SLC4A4: variants seen among roughly 807,000 people sequenced by gnomAD.
The protein encoded by SLC4A4 is electrogenic sodium bicarbonate cotransporter 1.
Under a neutral mutation model 111.5 loss-of-function variants are expected in SLC4A4, and 27 were observed. The ratio of observed to expected loss-of-function variants is 0.24; its 90% confidence interval spans 0.18 to 0.33. SLC4A4 has a LOEUF of 0.33. Among genes scored for constraint, SLC4A4 ranks in the 10% least tolerant of loss-of-function variants. SLC4A4 has a pLI of 1.00. For missense variants in SLC4A4, 909 were observed against 1,315.5 expected (o/e 0.69, Z 4.78); for synonymous variants, 443 against 463.4 (o/e 0.96, Z 0.57).
At chr4:71,215,098 T>C (rs752786617) in intron 1 of SLC4A4, among the ~76,000 whole-genome samples, 30 of 152,328 alleles carry the variant, frequency 2.0e-4, no homozygotes, top group Non-Finnish European at 4.1e-4. Context: ...ACTCTTTGAG[T>C]ATCTTCAAAG....
chr4:71,338,775 G>T (rs907851719), intron 3 of SLC4A4, among the ~76,000 whole-genome samples: 2 of 151,476 alleles, frequency 1.3e-5, no homozygotes. Flanking sequence ...GTGCATTGAA[G>T]TGTGACTAAA....
chr4:71,231,079 G>A (rs1472517900), intron 1 of SLC4A4, among the ~76,000 whole-genome samples: 2 of 152,206 alleles, frequency 1.3e-5, no homozygotes, highest in East Asian at 3.9e-4. Context: ...TACAGTGGGA[G>A]GCGTAACAGG....
At chr4:71,158,020 A>T (rs1486706504) in intron 2 of SLC4A4, among the ~76,000 whole-genome samples, 3 of 152,064 alleles carry the variant, frequency 2.0e-5, no homozygotes, top group Non-Finnish European at 4.4e-5. Context: ...AAGAGGAAGA[A>T]ACTATAAACA....
At chr4:71,450,779 A>T (rs1266296239) in intron 10 of SLC4A4, among the ~76,000 whole-genome samples, 1 of 152,202 alleles carries the variant, frequency 6.6e-6, no homozygotes, top group Non-Finnish European at 1.5e-5. Flanking sequence ...GAGATCTCAG[A>T]TTACTACATG....
intron 12 of SLC4A4, among the ~76,000 whole-genome samples, chr4:71,463,046 A>G (rs1726987322): frequency 6.6e-6 from 1 of 152,204 alleles, no homozygotes; most frequent in Admixed American, 6.5e-5. Flanking sequence ...CCCAGACTCC[A>G]GATTTCTGAC....
chr4:71,175,347 A>G (rs1745056977), intron 2 of SLC4A4, among the ~76,000 whole-genome samples: 1 of 152,200 alleles, frequency 6.6e-6, no homozygotes, highest in Non-Finnish European at 1.5e-5. Context: ...CAGTGGGTGC[A>G]GCGCACCAAG....
rs540762911 is a variant in SLC4A4, at chr4:71,419,756, A to G, written c.808-20860A>G. Among the ~76,000 whole-genome samples the G allele has an allele frequency of 4.6e-5, 7 of 152,314 alleles. No individual in the cohort carries two copies. In the South Asian group the frequency reaches 1.5e-3, roughly 32 times the overall value. ...TAGTGAGATGAACCCGGTACCTCAG[A>G]TGGAAATGCAGAAATCACCCGTCTT... On this transcript the variant is annotated intron_variant, in intron 7 of 25. Coordinates refer to ENST00000264485, the MANE Select transcript of SLC4A4 (RefSeq NM_001098484.3).
chr4:71,090,866 G>T (rs1267208332), intron 1 of SLC4A4, among the ~76,000 whole-genome samples: 1 of 152,236 alleles, frequency 6.6e-6, no homozygotes, highest in Non-Finnish European at 1.5e-5. Flanking sequence ...GATGCAGAAG[G>T]AAGTTGGGCC....
At chr4:71,450,329 TG>T in intron 9 of SLC4A4, 59 bp from the exon 10 acceptor site, 4 of 1,155,242 alleles carry the variant, frequency 3.5e-6, no homozygotes, top group Non-Finnish European at 5.2e-6. Flanking sequence ...AGGCTTGATA[TG>T]GTGTGAAGCA....
intron 1 of SLC4A4, among the ~76,000 whole-genome samples, chr4:71,063,794 G>T (rs1248240585): frequency 2.0e-5 from 3 of 152,114 alleles, no homozygotes; most frequent in Non-Finnish European, 4.4e-5. Flanking sequence ...CTAGGAAAAG[G>T]TATGGATATA....
At chr4:71,453,754 T>G in intron 12 of SLC4A4, 85 bp downstream of exon 12, 1 of 1,226,534 alleles carries the variant, frequency 8.2e-7, no homozygotes, top group Admixed American at 1.7e-5. Context: ...GCAGATGGCC[T>G]TTCAGTTACT....
intron 2 of SLC4A4, among the ~76,000 whole-genome samples, chr4:71,125,665 A>T (rs1170727902): frequency 6.6e-6 from 1 of 152,238 alleles, no homozygotes; most frequent in African/African-American, 2.4e-5. Context: ...TTAATAATAA[A>T]TTTCAGTTTA....
chr4:71,178,560 G>A (rs545955627), intron 2 of SLC4A4, among the ~76,000 whole-genome samples: 1 of 152,280 alleles, frequency 6.6e-6, no homozygotes, highest in African/African-American at 2.4e-5. Flanking sequence ...ACTACCATCA[G>A]AGAATACTAT....
intron 6 of SLC4A4, among the ~76,000 whole-genome samples, chr4:71,379,575 C>T (rs1335239629): frequency 1.3e-5 from 2 of 152,122 alleles, no homozygotes; most frequent in African/African-American, 2.4e-5. Context: ...ACCCCCTTCC[C>T]CCATTGACTT....
At chr4:71,439,651 T>A (rs1284041660) in intron 7 of SLC4A4, among the ~76,000 whole-genome samples, 1 of 151,724 alleles carries the variant, frequency 6.6e-6, no homozygotes, top group Non-Finnish European at 1.5e-5. Flanking sequence ...GTTCTCTGCC[T>A]ATATCTTCTC....
chr4:71,290,167 G>A (rs538836236), intron 3 of SLC4A4, among the ~76,000 whole-genome samples: 4 of 152,280 alleles, frequency 2.6e-5, no homozygotes, highest in South Asian at 2.1e-4. Context: ...TTACTAGACA[G>A]GATTACAGTT....
In SLC4A4 at chr4:71,165,254, G is replaced by A. The variant is rs149549878; in HGVS notation, c.-1-71322G>A. Among the ~76,000 whole-genome samples, 20 of 152,268 alleles carry A rather than the reference G, an allele frequency of 1.3e-4. 1 individual carries two copies. The highest frequency in any genetic ancestry group is 4.8e-4 in the African/African-American group (20 of 41,554). ...TTCTGCTACAAAGAAACTTGCACAC[G>A]TATGTTTATTGCAGCACTGTTTACA... On this transcript the variant is annotated intron_variant, in intron 2 of 26. Transcript: ENST00000649996.
chr4:71,380,604 C>T (rs1024133252), intron 6 of SLC4A4, among the ~76,000 whole-genome samples: 7 of 152,318 alleles, frequency 4.6e-5, no homozygotes, highest in African/African-American at 1.4e-4. Context: ...AACCAACCCC[C>T]AGCCAATCCA....
chr4:71,209,069 A>G (rs1402634477), intron 1 of SLC4A4, among the ~76,000 whole-genome samples: 2 of 152,212 alleles, frequency 1.3e-5, no homozygotes, highest in Non-Finnish European at 2.9e-5. Context: ...GTTTGTGTCA[A>G]ATTTTCTTGC....
Sources: allele counts gnomAD v4.1 joint callset (sites outside exome capture counted in the v4.1 genomes callset), GRCh38; gene constraint gnomAD v4.1.1; transcripts MANE v1.5; gene names NCBI Gene and HGNC (gene_info 2026-07-23, HGNC 2026-07-21).